Variants in FLII observed in about 807,000 individuals in gnomAD.
FLII encodes FLII actin remodeling protein.
In FLII, 101 loss-of-function variants were observed where a neutral mutation model predicts 156.2. That is an observed-to-expected ratio of 0.65 (90% CI 0.55 to 0.76). The LOEUF (loss-of-function observed/expected upper bound fraction) is 0.76, where lower values mean the gene tolerates loss of function less well. Among genes scored for constraint, FLII ranks in the 30% least tolerant of loss-of-function variants. The pLI is 0.00. For synonymous variants in FLII, 767 were observed against 685.8 expected (o/e 1.12, Z -1.85); for missense variants, 1,675 against 1,682.8 (o/e 1.00, Z 0.08).
chr17:18,254,900 C>G, intron 4 of FLII, 46 bp from the exon 5 acceptor site: 2 of 1,576,036 alleles, frequency 1.3e-6, no homozygotes, highest in Non-Finnish European at 1.7e-6. Context: ...CTCCTCCCCA[C>G]CAGGCGTCTG....
intron 18 of FLII, among the ~76,000 whole-genome samples, chr17:18,248,240 A>G (rs2048151022): frequency 6.6e-6 from 1 of 152,140 alleles, no homozygotes; most frequent in African/African-American, 2.4e-5. Context: ...CAGGCCCTTC[A>G]TGCCATTTCT....
At position 18,247,918 on chromosome 17, in the gene FLII, G is replaced by A. The variant is rs747150602; in HGVS notation, c.2295+11C>T. ...GGATCTGGCCCCACGCCCTCCTCCT[G>A]CATCTCTTACCAGCCGCATTCTTGG... is the stretch of plus-strand genomic sequence containing the variant. On this transcript the variant is annotated intron_variant, in intron 19 of 29. Transcript: ENST00000327031. 1 of 1,612,780 alleles carries A rather than the reference G, an allele frequency of 6.2e-7. No individual in the cohort carries two copies. Among genetic ancestry groups the A allele is most frequent in the South Asian group, 1.1e-5 (1 of 91,048 alleles).
Position 18,246,897 on chromosome 17 carries a change from A to G in FLII, c.2816+16T>C. On this transcript the variant is annotated intron_variant, in intron 22 of 29. Transcript: ENST00000327031. The stretch of plus-strand genomic sequence containing the variant: ...ACCAGGGGAGGGACTTGGGGAAGGG[A>G]GTGCTGAGGTGGTACCTGCAGAGGA... 2 of 1,613,988 alleles carry G rather than the reference A, an allele frequency of 1.2e-6. No individual in the cohort carries two copies. Among genetic ancestry groups the G allele is most frequent in the Non-Finnish European group, 1.7e-6 (2 of 1,179,952 alleles).
rs1358476805 is a variant in FLII, at chr17:18,245,152, T to G, written c.3796A>C (p.Lys1266Gln). 2 of 1,613,092 alleles carry G rather than the reference T, an allele frequency of 1.2e-6. No homozygotes were observed. Among genetic ancestry groups the G allele is most frequent in the Admixed American group, 1.7e-5 (1 of 59,958 alleles). The change falls in exon 30 of 30, where the codon AAG becomes CAG. Residue 1266 changes from lysine to glutamine, a missense_variant. Around this residue, in one of 2 missense-constraint regions of FLII, gnomAD observed 1,332 missense variants for 1,269.3 expected, o/e 1.05. Coordinates refer to ENST00000327031, the MANE Select transcript of FLII (RefSeq NM_002018.4). ...GCCAGCCTGTCTTAGGCCAGGGCCTTGCAGAAGGCGCTCCAGGCGTGGAAG... is the reference window on the plus strand; with the variant it reads ...GCCAGCCTGTCTTAGGCCAGGGCCTGGCAGAAGGCGCTCCAGGCGTGGAAG... ...RCFHAWSAFC[K>Q]ALA is the part of the protein sequence containing the mutation.
Position 18,254,155 on chromosome 17 carries a change from C to G in FLII, c.603G>C (p.Gln201His). 2 of 1,610,716 alleles carry G rather than the reference C, an allele frequency of 1.2e-6. No homozygotes were observed. Among genetic ancestry groups the G allele is most frequent in the Non-Finnish European group, 8.5e-7 (1 of 1,178,338 alleles). Residue 201 changes from glutamine (Q) to histidine (H), a missense_variant, in exon 7 of 30, where the codon CAG becomes CAC. By Grantham distance (24) the Gln-to-His change is conservative (BLOSUM62 0). This residue lies in a region of FLII where 343 missense variants were observed against 413.5 expected (regional missense o/e 0.83). Coordinates refer to ENST00000327031, the MANE Select transcript of FLII (RefSeq NM_002018.4). ...GCTGGGTGCTCCGCAGGTGCAGGGTCTGCAGGGCCGTCATCGCTGGGAGCT... is the reference window on the plus strand; with the variant it reads ...GCTGGGTGCTCCGCAGGTGCAGGGTGTGCAGGGCCGTCATCGCTGGGAGCT... ...LRQLPAMTAL[Q>H]TLHLRSTQRT...
chr17:18,254,038 G>C, intron 7 of FLII, 41 bp downstream of exon 7: 1 of 1,490,798 alleles, frequency 6.7e-7, no homozygotes, highest in Non-Finnish European at 9.2e-7. Flanking sequence ...AGAGGGCCCA[G>C]AGGGGGCCCG....
At chr17:18,250,013 T>C (rs967441633) in intron 14 of FLII, among the ~76,000 whole-genome samples, 7 of 147,540 alleles carry the variant, frequency 4.7e-5, no homozygotes, top group South Asian at 4.4e-4. Flanking sequence ...CCCAGCTACT[T>C]GGGAGGCTGA....
In FLII at chr17:18,246,920, G is replaced by A; in HGVS notation, c.2809C>T (p.Leu937Phe). 2 of 1,614,184 alleles carry A rather than the reference G, an allele frequency of 1.2e-6. No homozygotes were observed. Among genetic ancestry groups the A allele is most frequent in the Non-Finnish European group, 8.5e-7 (1 of 1,180,030 alleles). Residue 937 changes from leucine (L) to phenylalanine (F), a missense_variant, in exon 22 of 30, where the codon CTC (leucine) becomes TTC (phenylalanine). Transcript: ENST00000327031. ...GGAGTGCTGAGGTGGTACCTGCAGA[G>A]GAAGACGTAGCAGTCCTGCGTGTAG... ...HFYTQDCYVF[L>F]CRYWVPVEYE...
intron 21 of FLII, 47 bp downstream of exon 21, chr17:18,247,122 T>TGGGGG: frequency 1.9e-5 from 19 of 1,011,192 alleles, no homozygotes; most frequent in African/African-American, 3.1e-5. Flanking sequence ...GCCCTCGGCC[T>TGGGGG]GCCCCCCACC....
chr17:18,249,946 C>T (rs1050814470), intron 14 of FLII, among the ~76,000 whole-genome samples: 4 of 151,750 alleles, frequency 2.6e-5, no homozygotes, highest in African/African-American at 9.7e-5. Flanking sequence ...TGGCAAAACC[C>T]CATCACTACT....
rs1555560828 is a variant in FLII, at chr17:18,247,463, T to C, written c.2488-106A>G. On this transcript the variant is annotated intron_variant, in intron 20 of 29. Transcript: ENST00000327031. ...ACCCAAGGGAGATCTAGGGCGGGGC[T>C]TGGGAGGCGGGGCCTCGGACACGGA... is the stretch of plus-strand genomic sequence containing the variant. 4 of 1,230,484 alleles carry C rather than the reference T, an allele frequency of 3.3e-6. No individual in the cohort carries two copies. The East Asian group carries it at 9.4e-5, about 29-fold the overall frequency. 76.2% of individuals were successfully genotyped at this position (1,230,484 alleles called of 1,614,324 possible). A position where few individuals can be genotyped will look rare whatever the true frequency, so the allele number is the denominator to read the frequency against.
rs1567707012 is a variant in FLII, at chr17:18,247,161, G to A, written c.2676+8C>T. ...CCCCCCGCGCCCCGGTCCCGGCCCT[G>A]CCCCCACCTCGGCCAGCGACATGGG... On this transcript the variant is annotated splice_region_variant and intron_variant, in intron 21 of 29. Coordinates refer to ENST00000327031, the MANE Select transcript of FLII (RefSeq NM_002018.4). 5.3e-6 allele frequency: 6 copies of A among 1,141,512 alleles called. No homozygotes were observed. The highest frequency in any genetic ancestry group is 3.5e-5 in the East Asian group (1 of 28,324). 70.7% of individuals were successfully genotyped at this position (1,141,512 alleles called of 1,614,324 possible). A position where few individuals can be genotyped will look rare whatever the true frequency, so the allele number is the denominator to read the frequency against.
At chr17:18,251,923 C>A in intron 11 of FLII, 76 bp downstream of exon 11, 1 of 1,602,692 alleles carries the variant, frequency 6.2e-7, no homozygotes. Context: ...AAGCTGTATG[C>A]CACCCAATTT....
intron 4 of FLII, 44 bp from the exon 5 acceptor site, chr17:18,254,898 C>G (rs1215578595): frequency 6.3e-7 from 1 of 1,593,112 alleles, no homozygotes; most frequent in African/African-American, 1.3e-5. Context: ...GTCTCCTCCC[C>G]ACCAGGCGTC....
Position 18,248,710 on chromosome 17 carries a change from T to G in FLII, c.2030A>C (p.Glu677Ala), listed in dbSNP as rs771298585. 1.6e-5 allele frequency: 26 copies of G among 1,613,666 alleles called. No individual in the cohort carries two copies. In the South Asian group the frequency reaches 2.7e-4, roughly 17 times the overall value. Residue 677 changes from glutamate (E) to alanine (A), a missense_variant, in exon 18 of 30, where the codon GAG (glutamate) becomes GCG (alanine). Glu to Ala is a moderately radical substitution (Grantham distance 107). Transcript: ENST00000327031. ...TTTCCGCTCATTCTTGTTAATTTTC[T>G]CTGCAAAGAGCCTGAGAGCAGGATG... ...SSTTKARLFAEKINKNERKGK... is the reference protein window; with the variant it reads ...SSTTKARLFAAKINKNERKGK...
rs2048127000 is a variant in FLII at position 18,247,722 on chromosome 17, A to T, written c.2422T>A (p.Cys808Ser). The part of the protein sequence containing the change: ...AAALKLGQEL[C>S]GMLHRPRHAT... ...TGGCGTGGCCGGTGCAGCATCCCGC[A>T]CAGCTCCTGACCCAGCTTGAGGGCG... Residue 808 changes from cysteine to serine, a missense_variant, in exon 20 of 30, where the codon TGC (cysteine) becomes AGC (serine). By Grantham distance (112) the Cys-to-Ser change is moderately radical (BLOSUM62 -1). This residue lies in a region of FLII where 1,332 missense variants were observed against 1,269.3 expected (regional missense o/e 1.05). Transcript: ENST00000327031. The T allele has an allele frequency of 6.2e-7, 1 of 1,603,520 alleles. No homozygotes were observed. Among genetic ancestry groups the T allele is most frequent in the Non-Finnish European group, 8.5e-7 (1 of 1,179,672 alleles).
Position 18,253,650 on chromosome 17 carries a change from C to T in FLII, c.749G>A (p.Arg250His), listed in dbSNP as rs538192881. The T allele has an allele frequency of 1.8e-5, 29 of 1,613,954 alleles. No individual in the cohort carries two copies. Among genetic ancestry groups the T allele is most frequent in the East Asian group, 8.9e-5 (4 of 44,874 alleles). ...ECLYTLPSLR[R>H]LNLSSNQITE... ...GATCTGGTTGCTGCTGAGGTTGAGG[C>T]GGCGCAGGCTGGGGAGGGTGTACAG... Residue 250 changes from arginine (R) to histidine (H), a missense_variant, in exon 8 of 30, where the codon CGC (arginine) becomes CAC (histidine). Physicochemically the swap from Arg to His is conservative, Grantham distance 29 (BLOSUM62 0). Around this residue, in one of 2 missense-constraint regions of FLII, gnomAD observed 343 missense variants for 413.5 expected, o/e 0.83. Coordinates refer to ENST00000327031, the MANE Select transcript of FLII (RefSeq NM_002018.4).
Position 18,247,794 on chromosome 17 carries a change from C to T in FLII, c.2350G>A (p.Val784Met), listed in dbSNP as rs202126232. 116 of 1,612,244 alleles carry T rather than the reference C, an allele frequency of 7.2e-5. No homozygotes were observed. The East Asian group carries it at 1.9e-3, about 27-fold the overall frequency. Residue 784 changes from valine to methionine, a missense_variant, in exon 20 of 30, where the codon GTG becomes ATG. This residue lies in a region of FLII where 1,332 missense variants were observed against 1,269.3 expected (regional missense o/e 1.05). Transcript: ENST00000327031. ...GACTTGCGGCCGAGCCAGATGAACA[C>T]GTCGGACCAACAGTCCAGAATGTAC... ...CVYILDCWSDVFIWLGRKSPR... is the reference protein window; with the variant it reads ...CVYILDCWSDMFIWLGRKSPR...
At chr17:18,257,204 C>G (rs181268506) in intron 1 of FLII, 185 bp from the exon 2 acceptor site, 7 of 551,900 alleles carry the variant, frequency 1.3e-5, no homozygotes, top group South Asian at 2.3e-5. Context: ...TAAGCCCCCC[C>G]GTGACAAAAG....
Sources: allele counts gnomAD v4.1 joint callset (sites outside exome capture counted in the v4.1 genomes callset), GRCh38; gene constraint gnomAD v4.1.1; regional missense constraint gnomAD v4.1.1; transcripts MANE v1.5; gene names NCBI Gene and HGNC (gene_info 2026-07-23, HGNC 2026-07-21).